MAST2: variants seen among roughly 807,000 people sequenced by gnomAD.
The protein encoded by MAST2 is microtubule associated serine/threonine kinase 2, also known as microtubule-associated serine/threonine-protein kinase 2.
Under a neutral mutation model 147.4 loss-of-function variants are expected in MAST2, and 70 were observed. The observed-to-expected ratio is 0.47, with a 90% CI of 0.39 to 0.58. MAST2 has a LOEUF of 0.58. MAST2 is among the 20% of genes least tolerant of loss of function. The probability of loss-of-function intolerance (pLI) is 0.00; values close to 1 mark genes in which losing one functional copy is unlikely to be tolerated. For synonymous variants in MAST2, 869 were observed against 896.8 expected (o/e 0.97, Z 0.55); for missense variants, 2,080 against 2,302.3 (o/e 0.90, Z 1.98).
In MAST2 at chr1:46,021,968, T is replaced by TCAAAC; in HGVS notation, c.1309_1310insCAAAC (p.Phe437SerfsTer7). The TCAAAC allele has an allele frequency of 6.2e-7, 1 of 1,614,088 alleles. No individual in the cohort carries two copies. Among genetic ancestry groups the TCAAAC allele is most frequent in the Non-Finnish European group, 8.5e-7 (1 of 1,180,004 alleles). On this transcript the variant is annotated frameshift_variant, in exon 12 of 29. Coordinates refer to ENST00000361297, the MANE Select transcript of MAST2 (RefSeq NM_015112.3). LOFTEE classifies it high-confidence loss of function. ...GGTACAGGAGTTTGACCCTGAAGAG[T>TCAAAC]TCTACCACCTTTTAGAAGCAGCTGA...
At chr1:45,899,884 C>T (rs898736690) in intron 4 of MAST2, among the ~76,000 whole-genome samples, 6 of 151,394 alleles carry the variant, frequency 4.0e-5, no homozygotes, top group Non-Finnish European at 5.9e-5. Flanking sequence ...TTTCTTTTCC[C>T]GGCCCAGCGC....
intron 9 of MAST2, among the ~76,000 whole-genome samples, chr1:46,010,489 T>C (rs1007513399): frequency 6.6e-6 from 1 of 151,554 alleles, no homozygotes; most frequent in Non-Finnish European, 1.5e-5. Context: ...CTGGAGGGAG[T>C]TGGGGGAGAT....
chr1:45,817,558 G>A (rs973092052), intron 1 of MAST2, among the ~76,000 whole-genome samples: 1 of 152,148 alleles, frequency 6.6e-6, no homozygotes, highest in African/African-American at 2.4e-5. Flanking sequence ...CACCAGACCT[G>A]TCCCACACAA....
At chr1:45,938,913 T>A (rs906558955) in intron 4 of MAST2, among the ~76,000 whole-genome samples, 8 of 152,158 alleles carry the variant, frequency 5.3e-5, no homozygotes, top group Non-Finnish European at 7.3e-5. Context: ...GTTTTTTTTT[T>A]AAATATTGAG....
chr1:46,025,828 T>A lies in MAST2; in HGVS notation c.1919+13T>A. ...TCAAGCCTGACAAGTATGTCCACAG[T>A]CTGTGTCCCTTGTCCAGGGTCTCCC... On this transcript the variant is annotated intron_variant, in intron 16 of 28. Coordinates refer to ENST00000361297, the MANE Select transcript of MAST2 (RefSeq NM_015112.3). 6.2e-7 allele frequency: 1 copy of A among 1,614,134 alleles called. No individual in the cohort carries two copies. The highest frequency in any genetic ancestry group is 8.5e-7 in the Non-Finnish European group (1 of 1,180,002).
intron 3 of MAST2, among the ~76,000 whole-genome samples, chr1:45,848,971 T>C (rs1019542496): frequency 4.6e-5 from 7 of 152,018 alleles, no homozygotes; most frequent in African/African-American, 1.7e-4. Context: ...AGGAAGGCAA[T>C]CCCATTCACA....
At chr1:45,944,821 G>A (rs1657808245) in intron 4 of MAST2, among the ~76,000 whole-genome samples, 1 of 152,190 alleles carries the variant, frequency 6.6e-6, no homozygotes, top group Non-Finnish European at 1.5e-5. Flanking sequence ...CCTCTTGGAA[G>A]CCTCCTGTCC....
chr1:45,876,845 G>A (rs11211213), intron 3 of MAST2, among the ~76,000 whole-genome samples: 67,670 of 152,018 alleles, frequency 0.45, 15,258 homozygotes, highest in East Asian at 0.62. Context: ...TGCCTCTAAA[G>A]GAATGCAGAG....
At chr1:46,022,746 G>A (rs932450914) in intron 12 of MAST2, among the ~76,000 whole-genome samples, 164 bp from the exon 13 acceptor site, 7 of 152,188 alleles carry the variant, frequency 4.6e-5, no homozygotes, top group Admixed American at 1.3e-4. Context: ...TGATCCAAAA[G>A]CTGGGACTAC....
rs77678240 is a variant in MAST2, at chr1:45,805,567, C to T, written c.177+1495C>T. Among the ~76,000 whole-genome samples the T allele has an allele frequency of 4.3e-3, 650 of 152,328 alleles. 5 individuals are homozygous for T. Among genetic ancestry groups the T allele is most frequent in the African/African-American group, 0.015 (607 of 41,568 alleles). On this transcript the variant is annotated intron_variant, in intron 1 of 28. Transcript: ENST00000361297. ...AAAACTTGTACAATGAACTTCAAGT[C>T]CAGGTCCTTTCCTGTCTCAGTTTAC...
chr1:46,031,840 G>T lies in MAST2; in HGVS notation c.3187+255G>T, dbSNP rs1474436386. ...CTGGCTCCATCACTAACAGGCTCTT[G>T]ACCTTGAGCAAGTTGCTTAACTTCT... On this transcript the variant is annotated intron_variant, in intron 24 of 28. Transcript: ENST00000361297. The surrounding 1 kb of genome is among the most constrained non-coding windows in gnomAD (Gnocchi z 4.1). Among the ~76,000 whole-genome samples, 1 of 152,180 alleles carries T rather than the reference G, an allele frequency of 6.6e-6. No homozygotes were observed. Among genetic ancestry groups the T allele is most frequent in the Non-Finnish European group, 1.5e-5 (1 of 68,018 alleles).
chr1:46,015,119 G>T (rs530812217), intron 10 of MAST2, among the ~76,000 whole-genome samples: 1 of 151,480 alleles, frequency 6.6e-6, no homozygotes, highest in African/African-American at 2.4e-5. Flanking sequence ...GATGTTCTTT[G>T]AAACCAACGA....
At chr1:45,936,063 A>G (rs1022970799) in intron 4 of MAST2, among the ~76,000 whole-genome samples, 4 of 152,036 alleles carry the variant, frequency 2.6e-5, no homozygotes, top group Non-Finnish European at 5.9e-5. Flanking sequence ...GTCATTTCTG[A>G]CTTCTTTCAG....
chr1:45,948,927 C>A (rs542280212), intron 4 of MAST2, among the ~76,000 whole-genome samples: 24 of 152,078 alleles, frequency 1.6e-4, no homozygotes, highest in African/African-American at 5.1e-4. Flanking sequence ...TCGTAGGCCA[C>A]ACACCTATGA....
chr1:45,931,879 C>A (rs1655371942), intron 4 of MAST2, among the ~76,000 whole-genome samples: 1 of 151,952 alleles, frequency 6.6e-6, no homozygotes, highest in African/African-American at 2.4e-5. Flanking sequence ...TTTTTAGAGA[C>A]AGGGTCTTGC....
rs746632585 is a variant in MAST2 at position 46,023,829 on chromosome 1, C to T, written c.1629C>T (p.Ile543=). ...GGCAGCGCTTTGCCATGAAGAAGATCAACAAGCAGAACCTGATCCTACGGA... is the reference window on the plus strand; with the variant it reads ...GGCAGCGCTTTGCCATGAAGAAGATTAACAAGCAGAACCTGATCCTACGGA... ...STRQRFAMKK[I]NKQNLILRNQ... The change falls in exon 15 of 29, where the codon ATC becomes ATT. Residue 543 remains isoleucine, a synonymous_variant. Coordinates refer to ENST00000361297, the MANE Select transcript of MAST2 (RefSeq NM_015112.3). The surrounding 1 kb of genome is among the most constrained non-coding windows in gnomAD (Gnocchi z 4.9). 2.5e-6 allele frequency: 4 copies of T among 1,614,130 alleles called. No individual in the cohort carries two copies. The Admixed American group carries it at 6.7e-5, about 27-fold the overall frequency.
Position 46,035,144 on chromosome 1 carries a change from T to C in MAST2, c.4475T>C (p.Leu1492Pro), listed in dbSNP as rs753510060. 3 of 1,613,696 alleles carry C rather than the reference T, an allele frequency of 1.9e-6. No homozygotes were observed. Among genetic ancestry groups the C allele is most frequent in the Admixed American group, 1.7e-5 (1 of 60,012 alleles). Reference protein sequence around the residue: ...RQDRAERRESLQKQEAIREVD... With the variant: ...RQDRAERRESPQKQEAIREVD... The stretch of plus-strand genomic sequence containing the variant: ...GACCGAGCCGAACGACGGGAGTCGC[T>C]GCAGAAGCAAGAAGCCATTCGTGAG... The change falls in exon 29 of 29, where the codon CTG (leucine) becomes CCG (proline). Residue 1492 changes from leucine to proline, a missense_variant. By Grantham distance (98) the Leu-to-Pro change is moderately conservative (BLOSUM62 -3). Transcript: ENST00000361297. The surrounding 1 kb of genome is among the most constrained non-coding windows in gnomAD (Gnocchi z 5.5).
chr1:45,928,567 CT>C (rs11374683), intron 4 of MAST2, among the ~76,000 whole-genome samples: 36 of 143,668 alleles, frequency 2.5e-4, no homozygotes, highest in East Asian at 4.0e-4. Context: ...ATCACTCTTT[CT>C]TTTTTTTTTT....
At chr1:45,859,832 A>G (rs373386498) in intron 3 of MAST2, among the ~76,000 whole-genome samples, 1 of 152,182 alleles carries the variant, frequency 6.6e-6, no homozygotes, top group Non-Finnish European at 1.5e-5. Flanking sequence ...CAATACTAAT[A>G]ACATAGTAGA....
Sources: gnomAD v4.1 joint callset for allele counts (sites outside exome capture counted in the v4.1 genomes callset) on GRCh38, gnomAD v4.1.1 for gene constraint, Gnocchi (gnomAD v3.1) non-coding constraint, MANE v1.5 for transcripts, NCBI Gene and HGNC (gene_info 2026-07-23, HGNC 2026-07-21) for gene names.